Variants in NR6A1 observed in about 807,000 individuals in gnomAD.
NR6A1 encodes the protein nuclear receptor subfamily 6 group A member 1, also known as retinoic acid receptor-related testis-associated receptor.
Under a neutral mutation model 59.1 loss-of-function variants are expected in NR6A1, and 7 were observed. The observed-to-expected ratio is 0.12, with a 90% CI of 0.07 to 0.22. NR6A1 has a LOEUF of 0.22. NR6A1 is among the 10% of genes least tolerant of loss of function. The pLI is 1.00. For synonymous variants in NR6A1, 243 were observed against 236.1 expected, an observed-to-expected ratio of 1.03 and a Z score of -0.27; for missense variants, 468 against 611.6, an observed-to-expected ratio of 0.77 and a Z score of 2.48.
At chr9:124,592,673 T>C (rs1175323330) in intron 2 of NR6A1, among the ~76,000 whole-genome samples, 7 of 152,102 alleles carry the variant, frequency 4.6e-5, no homozygotes, top group Non-Finnish European at 5.9e-5. Context: ...CAAGCGCAGG[T>C]CTCCCCGCCT....
chr9:124,680,611 A>AG (rs1172947497), intron 2 of NR6A1, among the ~76,000 whole-genome samples: 1 of 152,166 alleles, frequency 6.6e-6, no homozygotes, highest in Admixed American at 6.6e-5. Flanking sequence ...GTAAAGCTCC[A>AG]GGGGGATGCC....
At chr9:124,549,330 T>G (rs967049931) in intron 3 of NR6A1, among the ~76,000 whole-genome samples, 1 of 152,136 alleles carries the variant, frequency 6.6e-6, no homozygotes, top group Non-Finnish European at 1.5e-5. Flanking sequence ...ATGCAGATTG[T>G]GAGTGGGGAA....
At chr9:124,578,409 G>A (rs1227881184) in intron 2 of NR6A1, among the ~76,000 whole-genome samples, 1 of 152,092 alleles carries the variant, frequency 6.6e-6, no homozygotes, top group Non-Finnish European at 1.5e-5. Context: ...TGTTTCTTGG[G>A]AAAAGTTGTA....
chr9:124,586,945 T>C (rs549025154), intron 2 of NR6A1, among the ~76,000 whole-genome samples: 1 of 152,342 alleles, frequency 6.6e-6, no homozygotes, highest in South Asian at 2.1e-4. Flanking sequence ...GGTTCTACTG[T>C]GAATAAAATG....
chr9:124,592,087 T>C (rs545389291), intron 2 of NR6A1, among the ~76,000 whole-genome samples: 2 of 152,324 alleles, frequency 1.3e-5, no homozygotes, highest in African/African-American at 4.8e-5. Flanking sequence ...TTGCCATATT[T>C]GTGCCTCTGA....
chr9:124,731,531 A>G (rs1001912495), intron 2 of NR6A1, among the ~76,000 whole-genome samples: 2 of 152,138 alleles, frequency 1.3e-5, no homozygotes, highest in East Asian at 3.8e-4. Flanking sequence ...ACTTTTTTCA[A>G]TAAAAGTTAT....
chr9:124,743,452 G>A lies in NR6A1; in HGVS notation c.101-10103C>T, dbSNP rs574417135. 1.1e-3 allele frequency among the ~76,000 whole-genome samples: 170 copies of A among 152,254 alleles called. 1 individual carries two copies. Among genetic ancestry groups the A allele is most frequent in the African/African-American group, 3.7e-3 (154 of 41,536 alleles). On this transcript the variant is annotated intron_variant, in intron 1 of 9. Coordinates refer to ENST00000487099, the MANE Select transcript of NR6A1 (RefSeq NM_033334.4). ...ACAAAAACAATACCCTTTTCCTAAT[G>A]TAATTTTCTTAAACATGAAATCTTA...
chr9:124,637,892 CAAAA>C (rs796714741), intron 2 of NR6A1, among the ~76,000 whole-genome samples: 1 of 78,996 alleles, frequency 1.3e-5, no homozygotes, highest in South Asian at 5.0e-4. Flanking sequence ...ACTCCCTCTC[CAAAA>C]AAAAAAAAAA....
At chr9:124,627,728 C>T (rs757191217) in intron 2 of NR6A1, among the ~76,000 whole-genome samples, 9 of 152,054 alleles carry the variant, frequency 5.9e-5, no homozygotes, top group Non-Finnish European at 1.0e-4. Flanking sequence ...TGTGCCACCA[C>T]AACCTGCTAA....
intron 7 of NR6A1, among the ~76,000 whole-genome samples, chr9:124,534,510 C>G (rs533740570): frequency 1.6e-4 from 25 of 152,138 alleles, no homozygotes; most frequent in Non-Finnish European, 2.8e-4. Context: ...CTTGGACAGG[C>G]CCCAGAACAG....
chr9:124,550,494 G>A (rs1260730720), intron 3 of NR6A1, among the ~76,000 whole-genome samples: 8 of 148,614 alleles, frequency 5.4e-5, no homozygotes, highest in Admixed American at 4.8e-4. Flanking sequence ...AGCCGGGACT[G>A]TAGGCACATG....
intron 1 of NR6A1, among the ~76,000 whole-genome samples, chr9:124,754,349 T>C (rs1840583380): frequency 2.0e-5 from 3 of 152,328 alleles, no homozygotes; most frequent in East Asian, 1.9e-4. Flanking sequence ...TGTCAAAAAT[T>C]TGTTTTAAAT....
intron 2 of NR6A1, among the ~76,000 whole-genome samples, chr9:124,565,428 AAAACAAACAAAC>A (rs896460175): frequency 6.6e-6 from 1 of 150,676 alleles, no homozygotes; most frequent in Admixed American, 6.6e-5. Flanking sequence ...CTCCGTCTCA[AAAACAAACAAAC>A]AAACAAACAA....
chr9:124,539,790 G>C (rs928575208), intron 5 of NR6A1, among the ~76,000 whole-genome samples: 1 of 152,190 alleles, frequency 6.6e-6, no homozygotes, highest in Non-Finnish European at 1.5e-5. Context: ...CACGGGCATG[G>C]ATAGAAGCTA....
At chr9:124,729,815 T>C (rs995587221) in intron 2 of NR6A1, among the ~76,000 whole-genome samples, 4 of 151,134 alleles carry the variant, frequency 2.6e-5, no homozygotes, top group South Asian at 2.1e-4. Context: ...TGTCTAATTT[T>C]TTTTTTTTTT....
intron 2 of NR6A1, among the ~76,000 whole-genome samples, chr9:124,659,175 G>GA (rs781399780): frequency 3.3e-5 from 5 of 152,210 alleles, no homozygotes; most frequent in Middle Eastern, 6.8e-3. Flanking sequence ...AGCATAGACA[G>GA]AGAGGAACTA....
intron 2 of NR6A1, among the ~76,000 whole-genome samples, chr9:124,692,734 G>A (rs995120137): frequency 6.6e-6 from 1 of 152,140 alleles, no homozygotes; most frequent in African/African-American, 2.4e-5. Context: ...CAAAAAAAGT[G>A]TTTCATTTCA....
chr9:124,759,099 A>C (rs192209149), intron 1 of NR6A1, among the ~76,000 whole-genome samples: 131 of 152,310 alleles, frequency 8.6e-4, no homozygotes, highest in Middle Eastern at 3.4e-3. Flanking sequence ...TTGCTAACAT[A>C]ATCTATTAAC....
intron 3 of NR6A1, among the ~76,000 whole-genome samples, chr9:124,544,869 T>C (rs541210689): frequency 1.1e-4 from 17 of 152,304 alleles, no homozygotes; most frequent in South Asian, 1.0e-3. Context: ...TGTGGTCATA[T>C]TGGGATTTTT....
Sources: allele counts gnomAD v4.1 joint callset (sites outside exome capture counted in the v4.1 genomes callset), GRCh38; gene constraint gnomAD v4.1.1; transcripts MANE v1.5; gene names NCBI Gene and HGNC (gene_info 2026-07-23, HGNC 2026-07-21).